The following HIVEP2 variants were observed in gnomAD, a reference collection of about 807,000 sequenced individuals.
HIVEP2 encodes transcription factor HIVEP2.
Under a neutral mutation model 180.7 loss-of-function variants are expected in HIVEP2, and 14 were observed. The ratio of observed to expected loss-of-function variants is 0.08; its 90% CI spans 0.05 to 0.12. HIVEP2 has a LOEUF of 0.12. Among genes scored for constraint, HIVEP2 ranks in the 10% least tolerant of loss-of-function variants. HIVEP2 has a pLI of 1.00. For synonymous variants in HIVEP2, 1,184 were observed against 1,136.4 expected, an observed-to-expected ratio of 1.04 and a Z score of -0.84; for missense variants, 2,579 against 3,008.5, an observed-to-expected ratio of 0.86 and a Z score of 3.34.
intron 2 of HIVEP2, among the ~76,000 whole-genome samples, chr6:142,819,565 A>C (rs1282615233): frequency 6.6e-6 from 1 of 152,264 alleles, no homozygotes; most frequent in East Asian, 1.9e-4. Flanking sequence ...ACAACTTGAT[A>C]AGGAGACACC....
rs192768001 is a variant in HIVEP2, at chr6:142,882,280, G to A, written c.-640-45233C>T. Among the ~76,000 whole-genome samples the A allele has an allele frequency of 4.6e-5, 7 of 152,258 alleles. No homozygotes were observed. The East Asian group carries it at 1.3e-3, about 29-fold the overall frequency. On this transcript the variant is annotated intron_variant, in intron 1 of 9. Coordinates refer to ENST00000367603, the MANE Select transcript of HIVEP2 (RefSeq NM_006734.4). ...TAAGAAGAATTCCTAAAGCTAAAGA[G>A]TCCTTCAATACCGATAACTCACTGA...
At chr6:142,916,012 A>C (rs1357340417) in intron 1 of HIVEP2, among the ~76,000 whole-genome samples, 1 of 152,218 alleles carries the variant, frequency 6.6e-6, no homozygotes, top group African/African-American at 2.4e-5. Context: ...CCACACACTT[A>C]GGACTCATTC....
At chr6:142,778,027 C>A (rs1306582478) in intron 3 of HIVEP2, among the ~76,000 whole-genome samples, 1 of 152,066 alleles carries the variant, frequency 6.6e-6, no homozygotes, top group Non-Finnish European at 1.5e-5. Context: ...AATCAGTAGC[C>A]CCCAGATATT....
At chr6:142,842,808 T>A (rs534193427) in intron 1 of HIVEP2, among the ~76,000 whole-genome samples, 21 of 152,236 alleles carry the variant, frequency 1.4e-4, no homozygotes, top group South Asian at 4.2e-4. Context: ...GATTTTTTTT[T>A]AAAGGCCATT....
chr6:142,868,383 T>C (rs1353670793), intron 1 of HIVEP2, among the ~76,000 whole-genome samples: 1 of 152,182 alleles, frequency 6.6e-6, no homozygotes, highest in Non-Finnish European at 1.5e-5. Flanking sequence ...AAAACACATT[T>C]TAAAGAGCAA....
intron 1 of HIVEP2, among the ~76,000 whole-genome samples, chr6:142,853,040 C>G (rs569549165): frequency 6.6e-6 from 1 of 152,112 alleles, no homozygotes; most frequent in Non-Finnish European, 1.5e-5. Context: ...TTTCTAGAAC[C>G]TGCTAAGATT....
rs780509503 is a variant in HIVEP2, at chr6:142,770,542, C to G, written c.4197G>C (p.Ala1399=). The part of the protein sequence containing the change: ...FNIAQVLGQH[A]GLEKYPIWKA... ...TCCAAATGGGGTACTTCTCCAAGCC[C>G]GCATGCTGCCCCAGCACCTGGGCAA... The change falls in exon 5 of 10, where the codon GCG becomes GCC. Residue 1399 remains alanine, a synonymous_variant. Coordinates refer to ENST00000367603, the MANE Select transcript of HIVEP2 (RefSeq NM_006734.4). This position sits in a 1 kb window ranked among gnomAD's most constrained non-coding sequence, Gnocchi z 4.7. 6.2e-7 allele frequency: 1 copy of G among 1,614,162 alleles called. No individual in the cohort carries two copies. Among genetic ancestry groups the G allele is most frequent in the Non-Finnish European group, 8.5e-7 (1 of 1,180,030 alleles).
At chr6:142,942,425 T>A (rs1778202698) in intron 1 of HIVEP2, among the ~76,000 whole-genome samples, 2 of 152,176 alleles carry the variant, frequency 1.3e-5, no homozygotes, top group Non-Finnish European at 2.9e-5. Context: ...GCACCATTAC[T>A]CCACAAGGAA....
chr6:142,757,100 T>C (rs1205110958), intron 9 of HIVEP2, among the ~76,000 whole-genome samples: 1 of 152,202 alleles, frequency 6.6e-6, no homozygotes, highest in Non-Finnish European at 1.5e-5. Flanking sequence ...CCAACCTGTG[T>C]TGGCTATGAT....
chr6:142,915,023 C>T (rs1582963227), intron 1 of HIVEP2, among the ~76,000 whole-genome samples: 1 of 152,188 alleles, frequency 6.6e-6, no homozygotes, highest in East Asian at 1.9e-4. Flanking sequence ...CTACTCCTTA[C>T]ATTTACCTCA....
intron 2 of HIVEP2, among the ~76,000 whole-genome samples, chr6:142,785,589 G>T (rs1294350868): frequency 3.3e-5 from 5 of 152,164 alleles, no homozygotes; most frequent in African/African-American, 1.2e-4. Context: ...ATTCCTACCA[G>T]CAGTCTCCAC....
intron 1 of HIVEP2, among the ~76,000 whole-genome samples, chr6:142,895,076 C>A (rs189754432): frequency 9.2e-5 from 14 of 152,312 alleles, no homozygotes; most frequent in African/African-American, 3.4e-4. Flanking sequence ...CATCACATTA[C>A]AATTTTAAAA....
chr6:142,935,694 C>T (rs1379904565), intron 1 of HIVEP2, among the ~76,000 whole-genome samples: 2 of 151,248 alleles, frequency 1.3e-5, no homozygotes, highest in African/African-American at 4.9e-5. Context: ...TTTTTCCTTA[C>T]CATTTGGACC....
At chr6:142,923,215 C>G (rs1033447336) in intron 1 of HIVEP2, among the ~76,000 whole-genome samples, 3 of 151,792 alleles carry the variant, frequency 2.0e-5, no homozygotes, top group Non-Finnish European at 4.4e-5. Flanking sequence ...GCCTGTAATC[C>G]CAGCTACTCG....
chr6:142,844,054 T>C (rs148710680), intron 1 of HIVEP2, among the ~76,000 whole-genome samples: 249 of 152,240 alleles, frequency 1.6e-3, no homozygotes, highest in African/African-American at 5.8e-3. Flanking sequence ...CACAACACCC[T>C]CAACTCCAGC....
chr6:142,875,824 A>G (rs963213034), intron 1 of HIVEP2, among the ~76,000 whole-genome samples: 3 of 152,210 alleles, frequency 2.0e-5, no homozygotes, highest in African/African-American at 7.2e-5. Context: ...TTCAACTTTG[A>G]TATGTCCATT....
intron 1 of HIVEP2, among the ~76,000 whole-genome samples, chr6:142,928,993 A>G (rs1234012760): frequency 6.6e-6 from 1 of 152,150 alleles, no homozygotes; most frequent in Non-Finnish European, 1.5e-5. Flanking sequence ...ACTGTATCCA[A>G]TCCTAGGAAA....
At chr6:142,754,231 T>G (rs1435357255) in intron 9 of HIVEP2, among the ~76,000 whole-genome samples, 2 of 152,046 alleles carry the variant, frequency 1.3e-5, no homozygotes, top group Non-Finnish European at 2.9e-5. Flanking sequence ...CTCTGTTTTT[T>G]TCACAAGAGA....
intron 1 of HIVEP2, among the ~76,000 whole-genome samples, chr6:142,861,259 C>T (rs12201987): frequency 0.18 from 27,132 of 152,086 alleles, 2,600 homozygotes; most frequent in South Asian, 0.22. Context: ...GCAGTCTTTC[C>T]CCATTCATTG....
Sources: allele counts gnomAD v4.1 joint callset (sites outside exome capture counted in the v4.1 genomes callset), GRCh38; gene constraint gnomAD v4.1.1; non-coding constraint Gnocchi (gnomAD v3.1); transcripts MANE v1.5; gene names NCBI Gene and HGNC (gene_info 2026-07-23, HGNC 2026-07-21).